The following PUDP variants were observed in gnomAD, a reference collection of about 807,000 sequenced individuals.
PUDP encodes the protein pseudouridine-5'-phosphatase.
PUDP carries 8 observed loss-of-function variants against 9.4 expected under a neutral mutation model. The ratio of observed to expected loss-of-function variants is 0.85; its 90% CI spans 0.50 to 1.53. The LOEUF is 1.53. Among genes scored for constraint, PUDP ranks in the 40% most tolerant of loss-of-function variants. The probability of loss-of-function intolerance (pLI) is 0.00; values close to 1 mark genes in which losing one functional copy is unlikely to be tolerated. For synonymous variants in PUDP, 99 were observed against 80.7 expected (o/e 1.23, Z -1.22); for missense variants, 188 against 189.7 (o/e 0.99, Z 0.05).
chrX:6,931,923 T>C (rs1033313900), intron 3 of PUDP, among the ~76,000 whole-genome samples: 1 of 112,166 alleles, frequency 8.9e-6, no homozygotes, highest in Non-Finnish European at 1.9e-5. Context: ...TAATGAGGTT[T>C]TGAAATGCTA....
At chrX:6,781,307 AT>A (rs1250863419) in intron 3 of PUDP, among the ~76,000 whole-genome samples, 5 of 111,740 alleles carry the variant, frequency 4.5e-5, no homozygotes, top group African/African-American at 1.6e-4. Flanking sequence ...AACTTGATTC[AT>A]TCTCAAGGGA....
At chrX:6,912,492 C>T (rs963305979) in intron 3 of PUDP, among the ~76,000 whole-genome samples, 3 of 111,901 alleles carry the variant, frequency 2.7e-5, no homozygotes, top group African/African-American at 9.7e-5. Flanking sequence ...TATATTTTCC[C>T]TCTTCCTGGC....
intron 1 of PUDP, among the ~76,000 whole-genome samples, chrX:7,115,379 T>G (rs1932165097): frequency 8.9e-6 from 1 of 112,564 alleles, no homozygotes; most frequent in South Asian, 3.7e-4. Flanking sequence ...CTGAAACTTT[T>G]ACATCGCTAT....
chrX:6,874,049 C>T (rs954330885), intron 3 of PUDP, among the ~76,000 whole-genome samples: 2 of 110,059 alleles, frequency 1.8e-5, no homozygotes, highest in African/African-American at 6.6e-5. Flanking sequence ...TAGCTTAAGG[C>T]CAGGAGCTCA....
intron 1 of PUDP, among the ~76,000 whole-genome samples, chrX:7,008,951 G>A (rs1929440461): frequency 1.8e-5 from 2 of 112,335 alleles, no homozygotes; most frequent in South Asian, 3.7e-4. Context: ...ATTTTCTAAT[G>A]TGTGGTTTCA....
chrX:6,718,447 C>T (rs181919333), intron 1 of PUDP, among the ~76,000 whole-genome samples: 37 of 111,864 alleles, frequency 3.3e-4, no homozygotes, highest in Non-Finnish European at 5.8e-4. Flanking sequence ...TATTTTGCAG[C>T]AAGATAGATG....
rs182011374 is a variant in PUDP at position 6,948,327 on chromosome X, C to A, written c.*247+28806G>T. On this transcript the variant is annotated intron_variant and NMD_transcript_variant, in intron 3 of 3. Transcript: ENST00000655425. Reference sequence around the variant, plus strand: ...TCTTCTACGTTACTCCTTTGAGACTCTCAGAGCATGCAGAGGCTGAGAGAT... The same window carrying A: ...TCTTCTACGTTACTCCTTTGAGACTATCAGAGCATGCAGAGGCTGAGAGAT... Among the ~76,000 whole-genome samples, 8 of 111,817 alleles carry A rather than the reference C, an allele frequency of 7.2e-5. No individual in the cohort carries two copies. The East Asian group carries it at 2.3e-3, about 31-fold the overall frequency.
intron 1 of PUDP, among the ~76,000 whole-genome samples, chrX:7,108,291 G>A (rs768543466): frequency 8.9e-6 from 1 of 112,211 alleles, no homozygotes; most frequent in East Asian, 2.8e-4. Context: ...CTCTGTGCAC[G>A]CTTCTCTCCT....
rs754640730 is a variant in PUDP at position 7,027,310 on chromosome X, T to G, written c.205-48967A>C. On this transcript the variant is annotated intron_variant and NMD_transcript_variant, in intron 1 of 3. Transcript: ENST00000655425. ...AAAACTTCCACCTGCAGAAGTTGGC[T>G]CAAGTGCTGCCTGCTAACAACCGAA... 5.0e-3 allele frequency among the ~76,000 whole-genome samples: 550 copies of G among 110,968 alleles called. 2 individuals carry two copies. Among genetic ancestry groups the G allele is most frequent in the Middle Eastern group, 0.019 (4 of 214 alleles).
intron 1 of PUDP, among the ~76,000 whole-genome samples, chrX:6,998,966 T>A (rs1929287180): frequency 9.0e-6 from 1 of 111,190 alleles, no homozygotes; most frequent in Non-Finnish European, 1.9e-5. Context: ...GGGTGGGGAA[T>A]GAGGATCAAA....
intron 3 of PUDP, among the ~76,000 whole-genome samples, chrX:6,972,718 T>C (rs1928895427): frequency 8.9e-6 from 1 of 112,166 alleles, no homozygotes; most frequent in Non-Finnish European, 1.9e-5. Context: ...GATGCTGGCC[T>C]CATAAAATGA....
chrX:6,989,952 G>T (rs1402971244), intron 1 of PUDP, among the ~76,000 whole-genome samples: 2 of 111,151 alleles, frequency 1.8e-5, no homozygotes, highest in African/African-American at 3.3e-5. Context: ...CTTCCTCCAG[G>T]ACTCAGGGAA....
intron 3 of PUDP, among the ~76,000 whole-genome samples, chrX:7,071,690 C>T (rs973605746): frequency 9.0e-6 from 1 of 111,124 alleles, no homozygotes; most frequent in African/African-American, 3.3e-5. Context: ...CAACATTGCA[C>T]TGTAGAGATG....
chrX:6,966,464 T>C (rs1928786163), intron 3 of PUDP, among the ~76,000 whole-genome samples: 1 of 111,390 alleles, frequency 9.0e-6, no homozygotes, highest in Admixed American at 9.6e-5. Flanking sequence ...ACCAACACTT[T>C]ATGAACTTCT....
chrX:7,062,869 C>T (rs57543424), intron 3 of PUDP, among the ~76,000 whole-genome samples: 34,931 of 104,753 alleles, frequency 0.33, 4,764 homozygotes, highest in Middle Eastern at 0.45. Context: ...TAAGATTATT[C>T]GAGAGCATGA....
At chrX:7,026,393 C>T (rs1241316654) in intron 1 of PUDP, among the ~76,000 whole-genome samples, 1 of 112,413 alleles carries the variant, frequency 8.9e-6, no homozygotes, top group African/African-American at 3.2e-5. Flanking sequence ...CCCTGCTCCT[C>T]TGCTTTGGCC....
In PUDP at chrX:7,050,359, G is replaced by C. The variant is rs1293694875; in HGVS notation, c.624C>G (p.Thr208=). The change falls in exon 4 of 4, where the codon ACC becomes ACG. Residue 208 remains threonine, a synonymous_variant. Coordinates refer to ENST00000381077, the MANE Select transcript of PUDP (RefSeq NM_012080.5). The part of the protein sequence containing the change: ...NLSRDLTTKA[T]LVLNSLQDFQ... ...AGTCCTGCAGGGAATTCAGCACCAGGGTGGCCTTTGTTGTCAGATCTCGGC... is the reference window on the plus strand; with the variant it reads ...AGTCCTGCAGGGAATTCAGCACCAGCGTGGCCTTTGTTGTCAGATCTCGGC... 2 of 1,211,342 alleles carry C rather than the reference G, an allele frequency of 1.7e-6. No individual in the cohort carries two copies. The highest frequency in any genetic ancestry group is 1.8e-5 in the South Asian group (1 of 56,937).
At chrX:7,001,824 T>G (rs1332742672) in intron 1 of PUDP, among the ~76,000 whole-genome samples, 1 of 111,845 alleles carries the variant, frequency 8.9e-6, no homozygotes, top group Admixed American at 9.5e-5. Flanking sequence ...TCCAGATGAT[T>G]GAAAAATTTA....
chrX:6,729,815 T>C (rs1016298790), intron 3 of PUDP, among the ~76,000 whole-genome samples: 1 of 111,427 alleles, frequency 9.0e-6, no homozygotes, highest in African/African-American at 3.3e-5. Context: ...AGACAGCCCT[T>C]CCCCTTTTAC....
Sources: gnomAD v4.1 joint callset for allele counts (sites outside exome capture counted in the v4.1 genomes callset) on GRCh38, gnomAD v4.1.1 for gene constraint, MANE v1.5 for transcripts, NCBI Gene and HGNC (gene_info 2026-07-23, HGNC 2026-07-21) for gene names.